DCLK2: variants seen among roughly 807,000 people sequenced by gnomAD.
The protein encoded by DCLK2 is doublecortin like kinase 2.
Under a neutral mutation model 78.4 loss-of-function variants are expected in DCLK2, and 31 were observed. That is an observed-to-expected ratio of 0.40 (90% confidence interval 0.30 to 0.53). The LOEUF (loss-of-function observed/expected upper bound fraction) is 0.53, where lower values mean the gene tolerates loss of function less well. Ranked by LOEUF, DCLK2 falls within the 20% of genes least tolerant of loss-of-function variation. The pLI is 0.61. For synonymous variants in DCLK2, 407 were observed against 374.9 expected, an observed-to-expected ratio of 1.09 and a Z score of -0.99; for missense variants, 872 against 973.7, an observed-to-expected ratio of 0.90 and a Z score of 1.39.
intron 2 of DCLK2, among the ~76,000 whole-genome samples, chr4:150,112,006 T>A (rs762221148): frequency 6.6e-6 from 1 of 152,134 alleles, no homozygotes; most frequent in Non-Finnish European, 1.5e-5. Flanking sequence ...TGTGAAAAAA[T>A]GATATTGGTA....
intron 10 of DCLK2, among the ~76,000 whole-genome samples, chr4:150,239,234 A>G (rs1052735851): frequency 6.6e-6 from 1 of 152,206 alleles, no homozygotes; most frequent in Non-Finnish European, 1.5e-5. Flanking sequence ...AATTTCACAC[A>G]ATTGTGCAAA....
intron 2 of DCLK2, among the ~76,000 whole-genome samples, chr4:150,161,813 A>G (rs966318553): frequency 6.6e-6 from 1 of 152,202 alleles, no homozygotes; most frequent in Non-Finnish European, 1.5e-5. Flanking sequence ...GGGAACTTCA[A>G]TGTGAAAGAA....
intron 1 of DCLK2, among the ~76,000 whole-genome samples, chr4:150,099,193 T>TG (rs1730692394): frequency 1.3e-5 from 2 of 152,170 alleles, no homozygotes; most frequent in South Asian, 4.1e-4. Flanking sequence ...TAATCAATCT[T>TG]GCAGGTGCAT....
chr4:150,153,565 ATG>A (rs1465831114), intron 2 of DCLK2, among the ~76,000 whole-genome samples: 12 of 74,626 alleles, frequency 1.6e-4, no homozygotes, highest in Admixed American at 6.1e-4. Flanking sequence ...GTGCCACCAC[ATG>A]CCTGGCTAAT....
chr4:150,116,920 T>TGTG (rs1471877146), intron 2 of DCLK2, among the ~76,000 whole-genome samples: 2 of 152,048 alleles, frequency 1.3e-5, no homozygotes, highest in African/African-American at 2.4e-5. Context: ...GAGTGCCAGC[T>TGTG]GTGGTGGTGG....
chr4:150,082,850 T>A (rs1729403389), intron 1 of DCLK2, among the ~76,000 whole-genome samples: 1 of 152,212 alleles, frequency 6.6e-6, no homozygotes, highest in South Asian at 2.1e-4. Flanking sequence ...TCTGAGCGTT[T>A]GGTCTTCTCT....
chr4:150,188,454 A>G (rs1580678020), intron 2 of DCLK2, among the ~76,000 whole-genome samples: 2 of 152,072 alleles, frequency 1.3e-5, no homozygotes, highest in African/African-American at 2.4e-5. Context: ...GGCAACAGAA[A>G]GAGAAAAAGA....
At chr4:150,142,627 TG>T (rs1403514102) in intron 2 of DCLK2, among the ~76,000 whole-genome samples, 2 of 152,172 alleles carry the variant, frequency 1.3e-5, no homozygotes, top group Non-Finnish European at 2.9e-5. Flanking sequence ...GAGTTAACAA[TG>T]AGCTAAGGTT....
In DCLK2 at chr4:150,256,535, A is replaced by G. The variant is rs1744582249; in HGVS notation, c.*288A>G. The G allele has an allele frequency of 5.1e-6, 2 of 395,038 alleles. No individual in the cohort carries two copies. The highest frequency in any genetic ancestry group is 4.5e-6 in the Non-Finnish European group (1 of 223,548). 24.5% of individuals were successfully genotyped at this position (395,038 alleles called of 1,614,324 possible). ...TCCCGTCATTTTCAGTTTGTTGGAC[A>G]TTTTACAGCTTCACCAGGAGAATGT... On this transcript the variant is annotated 3_prime_UTR_variant, in exon 16 of 16. Transcript: ENST00000296550.
At chr4:150,183,577 C>G (rs903038938) in intron 2 of DCLK2, among the ~76,000 whole-genome samples, 1 of 152,058 alleles carries the variant, frequency 6.6e-6, no homozygotes, top group Non-Finnish European at 1.5e-5. Context: ...TATAGGTTAT[C>G]TTGGGATAGA....
rs1288153165 is a variant in DCLK2, at chr4:150,239,758, A to G, written c.1583A>G (p.Asp528Gly). 7 of 1,614,132 alleles carry G rather than the reference A, an allele frequency of 4.3e-6. No homozygotes were observed. Among genetic ancestry groups the G allele is most frequent in the Non-Finnish European group, 5.9e-6 (7 of 1,180,002 alleles). ...CTGTTTCAGGTGTGTGAATATCCTGATGGAACCAAGTCTTTGAAACTGGGA... is the reference window on the plus strand; with the variant it reads ...CTGTTTCAGGTGTGTGAATATCCTGGTGGAACCAAGTCTTTGAAACTGGGA... ...PENLLVCEYP[D>G]GTKSLKLGDF... The change falls in exon 11 of 16, where the codon GAT (aspartate) becomes GGT (glycine). Residue 528 changes from aspartate (D) to glycine (G), a missense_variant. Physicochemically the swap from Asp to Gly is moderately conservative, Grantham distance 94. Around this residue, in one of 3 missense-constraint regions of DCLK2, gnomAD observed 86 missense variants for 150.3 expected, o/e 0.57. Coordinates refer to ENST00000296550, the MANE Select transcript of DCLK2 (RefSeq NM_001040260.4).
intron 3 of DCLK2, 90 bp from the exon 4 acceptor site, chr4:150,197,912 A>T (rs1389296015): frequency 1.1e-6 from 1 of 947,738 alleles, no homozygotes; most frequent in African/African-American, 1.7e-5. Context: ...TTATCAGGTA[A>T]TAGTTCTGGT....
intron 2 of DCLK2, among the ~76,000 whole-genome samples, chr4:150,104,262 C>G (rs532934434): frequency 6.6e-6 from 1 of 151,450 alleles, no homozygotes; most frequent in Non-Finnish European, 1.5e-5. Context: ...GTGGTGCACT[C>G]CTATAGTTCC....
chr4:150,240,741 A>T (rs976965667), intron 12 of DCLK2, among the ~76,000 whole-genome samples: 16 of 136,246 alleles, frequency 1.2e-4, no homozygotes, highest in African/African-American at 4.2e-4. Context: ...CTAAAACTTA[A>T]AATATAATAA....
intron 2 of DCLK2, among the ~76,000 whole-genome samples, chr4:150,106,166 G>A (rs554054810): frequency 7.3e-5 from 11 of 151,408 alleles, no homozygotes; most frequent in Admixed American, 2.0e-4. Flanking sequence ...TCAGCGAACC[G>A]GGTATTCTTA....
chr4:150,193,039 C>T (rs1442376235), intron 2 of DCLK2, 99 bp from the exon 3 acceptor site: 2 of 728,350 alleles, frequency 2.7e-6, no homozygotes, highest in Admixed American at 2.1e-5. Context: ...TCTTCCACTT[C>T]AATACTTAAA....
At chr4:150,194,077 A>G (rs2126382198) in intron 3 of DCLK2, among the ~76,000 whole-genome samples, 1 of 148,794 alleles carries the variant, frequency 6.7e-6, no homozygotes, top group East Asian at 2.0e-4. Flanking sequence ...ACACACGTAT[A>G]CTTACTTTGT....
chr4:150,188,319 A>G (rs1738110185), intron 2 of DCLK2, among the ~76,000 whole-genome samples: 1 of 152,078 alleles, frequency 6.6e-6, no homozygotes, highest in Non-Finnish European at 1.5e-5. Context: ...AACAAAAAAT[A>G]CAAAAATTAA....
chr4:150,140,226 A>G (rs1734021394), intron 2 of DCLK2, among the ~76,000 whole-genome samples: 1 of 152,208 alleles, frequency 6.6e-6, no homozygotes, highest in African/African-American at 2.4e-5. Context: ...TTGTTAGCTT[A>G]TCTTCTTTAA....
Sources: allele counts gnomAD v4.1 joint callset (sites outside exome capture counted in the v4.1 genomes callset), GRCh38; gene constraint gnomAD v4.1.1; regional missense constraint gnomAD v4.1.1; transcripts MANE v1.5; gene names NCBI Gene and HGNC (gene_info 2026-07-23, HGNC 2026-07-21).